The following MTRFR variants were observed in gnomAD, a reference collection of about 807,000 sequenced individuals.
The protein encoded by MTRFR is probable peptide chain release factor C12orf65, mitochondrial.
A neutral mutation model predicts 11.9 loss-of-function variants in MTRFR; 10 were observed. The observed-to-expected ratio is 0.84, with a 90% CI of 0.52 to 1.42. MTRFR has a LOEUF of 1.42. Among genes scored for constraint, MTRFR ranks in the 40% most tolerant of loss-of-function variants. The pLI, the probability that MTRFR is intolerant of heterozygous loss-of-function variation, is 0.00. For synonymous variants in MTRFR, 77 were observed against 79.1 expected, an observed-to-expected ratio of 0.97 and a Z score of 0.14; for missense variants, 196 against 197.9, an observed-to-expected ratio of 0.99 and a Z score of 0.06.
At chr12:123,239,327 T>C (rs2047894683) in intron 1 of MTRFR, among the ~76,000 whole-genome samples, 2 of 152,236 alleles carry the variant, frequency 1.3e-5, no homozygotes, top group African/African-American at 4.8e-5. Context: ...GGGTTAAATA[T>C]ACATTTCATC....
chr12:123,257,920 T>C lies in MTRFR; in HGVS notation c.*889T>C, dbSNP rs1371741054. On this transcript the variant is annotated 3_prime_UTR_variant, in exon 3 of 3. Coordinates refer to ENST00000253233, the MANE Select transcript of MTRFR (RefSeq NM_152269.5). ...TTGTATGTTTTGTAATAATAAAATTTTTTTTGTAATTAGTAAAGTCAATTT... is the reference window on the plus strand; with the variant it reads ...TTGTATGTTTTGTAATAATAAAATTCTTTTTGTAATTAGTAAAGTCAATTT... The C allele has an allele frequency of 1.3e-5, 2 of 152,250 alleles. No homozygotes were observed. The highest frequency in any genetic ancestry group is 4.8e-5 in the African/African-American group (2 of 41,470). The allele number at this position is 152,250 out of a possible 1,614,324, so 9.4% of individuals were successfully genotyped here. A position where few individuals can be genotyped will look rare whatever the true frequency, so the allele number is the denominator to read the frequency against.
At position 123,244,930 on chromosome 12, in the gene MTRFR, A is replaced by C. The variant is rs370989669; in HGVS notation, c.-28-8717A>C. Among the ~76,000 whole-genome samples the C allele has an allele frequency of 6.6e-4, 43 of 65,094 alleles. No individual in the cohort carries two copies. The South Asian group carries it at 0.012, about 18-fold the overall frequency. The allele number at this position is 65,094 out of a possible 152,430, so 42.7% of individuals were successfully genotyped here. ...ACAGGTATGAGCCACCGCACCCGGC[A>C]TTTTTTTTTTTTTTTTTTTTTTTTT... is the stretch of plus-strand genomic sequence containing the variant. On this transcript the variant is annotated intron_variant, in intron 1 of 2. Coordinates refer to ENST00000253233, the MANE Select transcript of MTRFR (RefSeq NM_152269.5).
Position 123,257,074 on chromosome 12 carries a change from T to C in MTRFR, c.*43T>C. 1 of 1,474,750 alleles carries C rather than the reference T, an allele frequency of 6.8e-7. No homozygotes were observed. 91.4% of individuals were successfully genotyped at this position (1,474,750 alleles called of 1,614,324 possible). ...CCAACTGACAGAATCTGCCAGAAGC[T>C]CCCAGGGAATAATGGTGGCGAGTTC... On this transcript the variant is annotated 3_prime_UTR_variant, in exon 3 of 3. Coordinates refer to ENST00000253233, the MANE Select transcript of MTRFR (RefSeq NM_152269.5).
At chr12:123,254,082 AC>A in intron 2 of MTRFR, 126 bp downstream of exon 2, 2 of 1,162,734 alleles carry the variant, frequency 1.7e-6, no homozygotes, top group African/African-American at 1.5e-5. Flanking sequence ...GCCACCCTCT[AC>A]CAGCCAGGCA....
chr12:123,248,766 A>T (rs1356088491), intron 1 of MTRFR: 1 of 152,150 alleles, frequency 6.6e-6, no homozygotes, highest in Non-Finnish European at 1.5e-5. Context: ...TTATTCCCTT[A>T]TCTGACCCCA....
intron 1 of MTRFR, chr12:123,250,889 C>G (rs1180408188): frequency 6.6e-6 from 1 of 152,130 alleles, no homozygotes; most frequent in African/African-American, 2.4e-5. Flanking sequence ...TGGGCGGGGC[C>G]CTAGAACTCC....
intron 2 of MTRFR, among the ~76,000 whole-genome samples, chr12:123,256,439 G>A: frequency 6.6e-6 from 1 of 152,228 alleles, no homozygotes; most frequent in South Asian, 2.1e-4. Flanking sequence ...GGGGACTCCT[G>A]ATAAGGGGCT....
Position 123,253,917 on chromosome 12 carries a change from C to A in MTRFR, c.243C>A (p.Cys81Ter). 6.2e-7 allele frequency: 1 copy of A among 1,614,210 alleles called. No homozygotes were observed. Among genetic ancestry groups the A allele is most frequent in the Non-Finnish European group, 8.5e-7 (1 of 1,180,038 alleles). The change falls in exon 2 of 3, where the codon TGC becomes TGA. Residue 81 changes from cysteine to a stop codon, truncating the protein, a stop_gained. Coordinates refer to ENST00000253233, the MANE Select transcript of MTRFR (RefSeq NM_152269.5). LOFTEE classifies it high-confidence loss of function. ...AGGCAACCAACAAAACCAGCAACTGCGTGGTGCTGAAGCACATCCCCTCAG... is the reference window on the plus strand; with the variant it reads ...AGGCAACCAACAAAACCAGCAACTGAGTGGTGCTGAAGCACATCCCCTCAG... ...GGQATNKTSNCVVLKHIPSGI... is the reference protein window; with the variant it reads ...GGQATNKTSN
Position 123,253,966 on chromosome 12 carries a change from A to G in MTRFR, c.282+10A>G. ...AGGCATCGTTGTAAAGGTAGATCAC[A>G]GAAGGCCGCTGAGGGGAGAGGCCCC... On this transcript the variant is annotated intron_variant, in intron 2 of 2. Transcript: ENST00000253233. 1 of 1,614,010 alleles carries G rather than the reference A, an allele frequency of 6.2e-7. No homozygotes were observed. The highest frequency in any genetic ancestry group is 8.5e-7 in the Non-Finnish European group (1 of 1,179,928).
chr12:123,238,414 A>G (rs1239199142), intron 1 of MTRFR, among the ~76,000 whole-genome samples: 3 of 152,110 alleles, frequency 2.0e-5, no homozygotes, highest in Admixed American at 6.6e-5. Flanking sequence ...AGGAAGAGAC[A>G]AGACGGAATA....
chr12:123,250,012 A>G (rs2048094490), intron 1 of MTRFR: 1 of 152,240 alleles, frequency 6.6e-6, no homozygotes, highest in South Asian at 2.1e-4. Context: ...AGGAACACCA[A>G]TTATTCTTAG....
Position 123,246,192 on chromosome 12 carries a change from G to T in MTRFR, c.-28-7455G>T, listed in dbSNP as rs539090560. Among the ~76,000 whole-genome samples, 24 of 151,842 alleles carry T rather than the reference G, an allele frequency of 1.6e-4. No individual in the cohort carries two copies. In the East Asian group the frequency reaches 4.5e-3, roughly 28 times the overall value. ...CCTGCCTCAGCCTCCCGAGTAGCTG[G>T]ATTACAGGCATGCGCCACCACGCCC... is the stretch of plus-strand genomic sequence containing the variant. On this transcript the variant is annotated intron_variant, in intron 1 of 2. Coordinates refer to ENST00000253233, the MANE Select transcript of MTRFR (RefSeq NM_152269.5).
At chr12:123,253,429 T>C in intron 1 of MTRFR, 2 of 521,966 alleles carry the variant, frequency 3.8e-6, no homozygotes. Context: ...AAAATATGTA[T>C]TAGCTGGCAG....
At position 123,257,739 on chromosome 12, in the gene MTRFR, GTAC is replaced by G. The variant is rs148010033; in HGVS notation, c.*711_*713del. 0.048 allele frequency: 7,326 copies of G among 152,268 alleles called. 313 individuals are homozygous for G. The highest frequency in any genetic ancestry group is 0.26 in the East Asian group (1,342 of 5,152). The allele number at this position is 152,268 out of a possible 1,614,324, so 9.4% of individuals were successfully genotyped here. ...ATAAAACCATAAAGAAACACAGTCA[GTAC>G]TATACAAGAATAATGGCTACTTCTA... On this transcript the variant is annotated 3_prime_UTR_variant, in exon 3 of 3. Coordinates refer to ENST00000253233, the MANE Select transcript of MTRFR (RefSeq NM_152269.5).
intron 2 of MTRFR, 95 bp from the exon 3 acceptor site, chr12:123,256,718 T>TA (rs1441191380): frequency 1.0e-6 from 1 of 972,030 alleles, no homozygotes; most frequent in East Asian, 2.5e-5. Context: ...AAATAGTAAA[T>TA]AAAAAAGCGA....
chr12:123,239,687 C>T (rs1447441325), intron 1 of MTRFR, among the ~76,000 whole-genome samples: 1 of 152,220 alleles, frequency 6.6e-6, no homozygotes, highest in East Asian at 1.9e-4. Flanking sequence ...CAGGCGTGAG[C>T]TACCGCGCCC....
At chr12:123,248,253 G>A (rs1388552434) in intron 1 of MTRFR, 2 of 152,142 alleles carry the variant, frequency 1.3e-5, no homozygotes, top group African/African-American at 4.8e-5. Context: ...AAAATTCTTG[G>A]CTGATAATTG....
chr12:123,252,900 G>C (rs1190284828), intron 1 of MTRFR, among the ~76,000 whole-genome samples: 1 of 152,062 alleles, frequency 6.6e-6, no homozygotes, highest in African/African-American at 2.4e-5. Flanking sequence ...ACTCCAGCCT[G>C]GGCGACAGAG....
chr12:123,255,848 A>C (rs1311482286), intron 2 of MTRFR, among the ~76,000 whole-genome samples: 1 of 152,084 alleles, frequency 6.6e-6, no homozygotes, highest in Non-Finnish European at 1.5e-5. Context: ...GCTGGTTTCA[A>C]ACTCCTGACC....
Sources: allele counts gnomAD v4.1 joint callset (sites outside exome capture counted in the v4.1 genomes callset), GRCh38; gene constraint gnomAD v4.1.1; transcripts MANE v1.5; gene names NCBI Gene and HGNC (gene_info 2026-07-23, HGNC 2026-07-21).